ABCA13: variants seen among roughly 807,000 people sequenced by gnomAD.
ABCA13 encodes the protein ATP-binding cassette sub-family A member 13.
In ABCA13, 476 loss-of-function variants were observed where a neutral mutation model predicts 478.7. The observed-to-expected ratio is 0.99, with a 90% CI of 0.92 to 1.07. The LOEUF (loss-of-function observed/expected upper bound fraction) is 1.07. ABCA13 is among the 50% of genes least tolerant of loss of function. The pLI is 0.00. For missense variants in ABCA13, 6,060 were observed against 5,910.6 expected (o/e 1.03, Z -0.83); for synonymous variants, 2,252 against 2,158.9 (o/e 1.04, Z -1.20).
chr7:48,266,560 A>G (rs941586977), intron 15 of ABCA13, among the ~76,000 whole-genome samples: 1 of 151,768 alleles, frequency 6.6e-6, no homozygotes, highest in Non-Finnish European at 1.5e-5. Context: ...CACCTTTCTC[A>G]TAGTTGATAT....
chr7:48,249,263 T>C lies in ABCA13; in HGVS notation c.1917T>C (p.Tyr639=). The change falls in exon 15 of 62, where the codon TAT becomes TAC. Residue 639 remains tyrosine, a synonymous_variant. Coordinates refer to ENST00000435803, the MANE Select transcript of ABCA13 (RefSeq NM_152701.5). ...KTQFFLEQAY[Y]WKAFKKFIRK... ...AATTTTTCCTGGAACAAGCATATTATTGGAAAGCCTTCAAAAAGTTTATCA... is the reference window on the plus strand; with the variant it reads ...AATTTTTCCTGGAACAAGCATATTACTGGAAAGCCTTCAAAAAGTTTATCA... 1 of 1,613,364 alleles carries C rather than the reference T, an allele frequency of 6.2e-7. No homozygotes were observed. The highest frequency in any genetic ancestry group is 8.5e-7 in the Non-Finnish European group (1 of 1,179,486).
chr7:48,266,450 A>C (rs984476448), intron 15 of ABCA13, among the ~76,000 whole-genome samples: 1 of 151,804 alleles, frequency 6.6e-6, no homozygotes, highest in East Asian at 1.9e-4. Context: ...TTTAATATAC[A>C]TTAGGGCCAC....
intron 3 of ABCA13, among the ~76,000 whole-genome samples, chr7:48,210,711 A>G (rs572542393): frequency 6.6e-6 from 1 of 152,224 alleles, no homozygotes; most frequent in South Asian, 2.1e-4. Context: ...GATACTTAAT[A>G]TAATTTTAAT....
Position 48,248,375 on chromosome 7 carries a change from T to G in ABCA13, c.1796T>G (p.Leu599Arg), listed in dbSNP as rs1792019833. ...TCCTGTACTCGGCTCTTCCTGCTGC[T>G]GGGAGCTGATCCCTCTCCTGAGAAT... ...SLSCTRLFLL[L>R]GADPSPENDV... Residue 599 changes from leucine (L) to arginine (R), a missense_variant, in exon 14 of 62, where the codon CTG becomes CGG. Leu to Arg is a moderately radical substitution (Grantham distance 102, BLOSUM62 -2). Around this residue, in one of 3 missense-constraint regions of ABCA13, gnomAD observed 4,423 missense variants for 4,309.1 expected, o/e 1.03. Transcript: ENST00000435803. The G allele has an allele frequency of 2.5e-6, 4 of 1,613,826 alleles. No individual in the cohort carries two copies. The highest frequency in any genetic ancestry group is 3.4e-6 in the Non-Finnish European group (4 of 1,179,758).
At chr7:48,498,084 A>C (rs1830433417) in intron 48 of ABCA13, among the ~76,000 whole-genome samples, 1 of 152,040 alleles carries the variant, frequency 6.6e-6, no homozygotes, top group Non-Finnish European at 1.5e-5. Flanking sequence ...TCTCATTGCT[A>C]CCAGGTGGGG....
chr7:48,312,228 C>T (rs1801885247), intron 24 of ABCA13, among the ~76,000 whole-genome samples: 1 of 152,196 alleles, frequency 6.6e-6, no homozygotes, highest in African/African-American at 2.4e-5. Flanking sequence ...CTGCCCCAGC[C>T]TGGAAAACAG....
intron 43 of ABCA13, among the ~76,000 whole-genome samples, chr7:48,465,023 C>A (rs564524995): frequency 3.3e-5 from 5 of 152,204 alleles, no homozygotes; most frequent in African/African-American, 1.2e-4. Context: ...GGATCAGCAC[C>A]CTCAAAAGCA....
At chr7:48,529,408 A>G (rs757340363) in intron 55 of ABCA13, among the ~76,000 whole-genome samples, 3 of 152,100 alleles carry the variant, frequency 2.0e-5, no homozygotes, top group Non-Finnish European at 4.4e-5. Flanking sequence ...GGCCCCAGGC[A>G]TCTATCTTTC....
chr7:48,296,033 G>A (rs1799317701), intron 21 of ABCA13, among the ~76,000 whole-genome samples, 170 bp downstream of exon 21: 2 of 152,106 alleles, frequency 1.3e-5, no homozygotes, highest in Non-Finnish European at 2.9e-5. Context: ...ATTTTTGAGT[G>A]GTAAAATGTA....
chr7:48,541,934 A>G (rs1352617579), intron 55 of ABCA13, among the ~76,000 whole-genome samples: 1 of 151,112 alleles, frequency 6.6e-6, no homozygotes, highest in African/African-American at 2.4e-5. Flanking sequence ...ACAACACACC[A>G]TTACAGTGAA....
intron 7 of ABCA13, among the ~76,000 whole-genome samples, chr7:48,230,926 A>T (rs1482856780): frequency 6.6e-6 from 1 of 152,186 alleles, no homozygotes; most frequent in Non-Finnish European, 1.5e-5. Context: ...GAGTGGGAAT[A>T]AAAAGCTGAA....
At chr7:48,316,244 G>GT (rs1333565875) in intron 26 of ABCA13, among the ~76,000 whole-genome samples, 2 of 152,000 alleles carry the variant, frequency 1.3e-5, no homozygotes, top group Admixed American at 6.6e-5. Flanking sequence ...GTCAAAATTC[G>GT]TAAGTTTGAT....
chr7:48,314,740 C>T (rs1802299284), intron 26 of ABCA13, among the ~76,000 whole-genome samples: 1 of 152,126 alleles, frequency 6.6e-6, no homozygotes, highest in Non-Finnish European at 1.5e-5. Context: ...CTGCTTTGGT[C>T]CATGCAAATG....
At chr7:48,204,042 C>T (rs1784577959) in intron 3 of ABCA13, among the ~76,000 whole-genome samples, 1 of 152,038 alleles carries the variant, frequency 6.6e-6, no homozygotes, top group South Asian at 2.1e-4. Flanking sequence ...TGGTTCTCAG[C>T]CTTATTTGAT....
chr7:48,369,164 G>A (rs551583501), intron 32 of ABCA13, among the ~76,000 whole-genome samples: 20 of 152,214 alleles, frequency 1.3e-4, no homozygotes, highest in African/African-American at 4.6e-4. Context: ...GTGACGATGA[G>A]TATTTTTCCA....
chr7:48,276,523 T>C lies in ABCA13; in HGVS notation c.6857T>C (p.Leu2286Pro), dbSNP rs758570321. The part of the protein sequence containing the change: ...LKEDSENKIS[L>P]LLKYFHKDVI... ...GAAGATTCTGAGAACAAAATATCTCTTCTGCTGAAATATTTCCACAAAGAT... is the reference window on the plus strand; with the variant it reads ...GAAGATTCTGAGAACAAAATATCTCCTCTGCTGAAATATTTCCACAAAGAT... The change falls in exon 17 of 62, where the codon CTT becomes CCT. Residue 2286 changes from leucine (L) to proline (P), a missense_variant. By Grantham distance (98) the Leu-to-Pro change is moderately conservative. Coordinates refer to ENST00000435803, the MANE Select transcript of ABCA13 (RefSeq NM_152701.5). 1.2e-6 allele frequency: 2 copies of C among 1,611,832 alleles called. No homozygotes were observed. The highest frequency in any genetic ancestry group is 2.7e-5 in the African/African-American group (2 of 74,874).
At chr7:48,406,856 G>C (rs1818325902) in intron 39 of ABCA13, among the ~76,000 whole-genome samples, 1 of 151,646 alleles carries the variant, frequency 6.6e-6, no homozygotes, top group African/African-American at 2.4e-5. Context: ...CTGGGTGACA[G>C]AGCAAGGCTC....
chr7:48,292,794 C>G (rs1480775641), intron 20 of ABCA13, among the ~76,000 whole-genome samples: 1 of 152,212 alleles, frequency 6.6e-6, no homozygotes, highest in Non-Finnish European at 1.5e-5. Context: ...GACCAGTTTG[C>G]CCCTACAGCT....
intron 51 of ABCA13, among the ~76,000 whole-genome samples, chr7:48,511,575 C>T (rs1831687379): frequency 6.6e-6 from 1 of 152,128 alleles, no homozygotes; most frequent in South Asian, 2.1e-4. Context: ...AGCTCTCTGG[C>T]ATTTTTTCTC....
Sources: gnomAD v4.1 joint callset for allele counts (sites outside exome capture counted in the v4.1 genomes callset) on GRCh38, gnomAD v4.1.1 for gene constraint, gnomAD v4.1.1 regional missense constraint, MANE v1.5 for transcripts, NCBI Gene and HGNC (gene_info 2026-07-23, HGNC 2026-07-21) for gene names.